TRPM6: variants seen among roughly 807,000 people sequenced by gnomAD.
TRPM6 encodes transient receptor potential cation channel subfamily M member 6, also known as channel kinase 2.
In TRPM6, 111 loss-of-function variants were observed where a neutral mutation model predicts 247.6. The observed-to-expected ratio is 0.45, with a 90% CI of 0.38 to 0.52. The LOEUF (loss-of-function observed/expected upper bound fraction) is 0.52. TRPM6 is among the 20% of genes least tolerant of loss of function. The pLI is 0.00. For synonymous variants in TRPM6, 892 were observed against 853.8 expected (o/e 1.04, Z -0.78); for missense variants, 2,126 against 2,421.5 (o/e 0.88, Z 2.56).
intron 9 of TRPM6, among the ~76,000 whole-genome samples, chr9:74,819,626 T>G (rs1829073889): frequency 6.6e-6 from 1 of 152,228 alleles, no homozygotes; most frequent in Non-Finnish European, 1.5e-5. Flanking sequence ...CCATTTTTTA[T>G]CCCAGAGTTT....
intron 8 of TRPM6, among the ~76,000 whole-genome samples, chr9:74,820,728 C>T (rs1829106802): frequency 6.6e-6 from 1 of 152,122 alleles, no homozygotes; most frequent in Admixed American, 6.6e-5. Flanking sequence ...TAGCAAGACC[C>T]TGCCTCTATT....
intron 1 of TRPM6, among the ~76,000 whole-genome samples, chr9:74,870,125 A>C (rs1174600814): frequency 6.6e-6 from 1 of 152,216 alleles, no homozygotes; most frequent in African/African-American, 2.4e-5. Flanking sequence ...TTCCCAAAGT[A>C]GGTTCTACGG....
chr9:74,766,989 G>A (rs1027199186), intron 25 of TRPM6, among the ~76,000 whole-genome samples: 2 of 152,222 alleles, frequency 1.3e-5, no homozygotes, highest in South Asian at 2.1e-4. Flanking sequence ...TAGACAGGCC[G>A]ACTCCATATT....
rs111249915 is a variant in TRPM6, at chr9:74,742,671, C to T, written c.5135-45G>A. ...TTCTATTTTAAGTATGCATCAGTGG[C>T]TGAATTTACAGAAAGCCTCTCCACA... On this transcript the variant is annotated intron_variant, in intron 32 of 38. Transcript: ENST00000360774. 43 of 1,552,302 alleles carry T rather than the reference C, an allele frequency of 2.8e-5. 1 individual carries two copies. In the African/African-American group the frequency reaches 3.0e-4, roughly 11 times the overall value.
chr9:74,771,581 T>C, intron 25 of TRPM6, 122 bp downstream of exon 25: 3 of 891,306 alleles, frequency 3.4e-6, no homozygotes, highest in Non-Finnish European at 5.3e-6. Context: ...TGTTGTTAAA[T>C]GTTTCAAATT....
rs371405089 is a variant in TRPM6, at chr9:74,729,566, T to C, written c.5829-1221A>G. On this transcript the variant is annotated intron_variant, in intron 37 of 38. Transcript: ENST00000360774. The stretch of plus-strand genomic sequence containing the variant: ...TTAACTTTCCTGGTCACTCAATCGC[T>C]CTTACAGAGTACAGCTCTGGGGGTA... Among the ~76,000 whole-genome samples, 189 of 152,274 alleles carry C rather than the reference T, an allele frequency of 1.2e-3. 1 individual carries two copies. Among genetic ancestry groups the C allele is most frequent in the African/African-American group, 4.3e-3 (178 of 41,536 alleles).
At chr9:74,779,399 T>C (rs1192090344) in intron 23 of TRPM6, among the ~76,000 whole-genome samples, 1 of 152,244 alleles carries the variant, frequency 6.6e-6, no homozygotes, top group Non-Finnish European at 1.5e-5. Context: ...AGAGAGATGA[T>C]GACTATCATA....
intron 6 of TRPM6, 118 bp downstream of exon 6, chr9:74,833,880 T>A: frequency 1.5e-6 from 2 of 1,369,182 alleles, no homozygotes; most frequent in Non-Finnish European, 2.0e-6. Context: ...AAGTCAGGAG[T>A]TGGTAGTGAA....
chr9:74,846,714 C>G (rs569914657), intron 3 of TRPM6, among the ~76,000 whole-genome samples: 1 of 152,008 alleles, frequency 6.6e-6, no homozygotes, highest in Admixed American at 6.6e-5. Flanking sequence ...GCCTGGATAA[C>G]TTGTTTGTAT....
intron 1 of TRPM6, among the ~76,000 whole-genome samples, chr9:74,878,134 C>T (rs1831248797): frequency 6.6e-6 from 1 of 152,188 alleles, no homozygotes; most frequent in Non-Finnish European, 1.5e-5. Flanking sequence ...GACTGACCCA[C>T]CTAGTCCATC....
At chr9:74,757,563 C>CA (rs1176496033) in intron 27 of TRPM6, among the ~76,000 whole-genome samples, 7,819 of 53,542 alleles carry the variant, frequency 0.15, 379 homozygotes, top group East Asian at 0.3. Flanking sequence ...GAGACCCTGT[C>CA]AAAAAAAAAA....
intron 5 of TRPM6, among the ~76,000 whole-genome samples, chr9:74,837,510 G>A (rs1397226350): frequency 5.3e-5 from 8 of 151,782 alleles, no homozygotes; most frequent in Non-Finnish European, 1.0e-4. Flanking sequence ...GCAGTGGCAC[G>A]ATCTCGGCTC....
rs773826827 is a variant in TRPM6, at chr9:74,800,904, G to GTT, written c.2010-424_2010-423dup. On this transcript the variant is annotated intron_variant, in intron 16 of 38. Coordinates refer to ENST00000360774, the MANE Select transcript of TRPM6 (RefSeq NM_017662.5). ...TCCCTGATAAGACCTAATAAAGTGT[G>GTT]TTTTTTTTTTTTTTTTTGACAAAAA... Among the ~76,000 whole-genome samples, 269 of 110,522 alleles carry GTT rather than the reference G, an allele frequency of 2.4e-3. 3 individuals are homozygous for GTT. Among genetic ancestry groups the GTT allele is most frequent in the African/African-American group, 7.3e-3 (248 of 34,136 alleles). The allele number at this position is 110,522 out of a possible 152,430, so 72.5% of individuals were successfully genotyped here.
chr9:74,741,890 CA>C (rs5898377), intron 33 of TRPM6, among the ~76,000 whole-genome samples: 87,086 of 148,678 alleles, frequency 0.59, 27,147 homozygotes, highest in African/African-American at 0.82. Flanking sequence ...AACTCCATCT[CA>C]AAAAAAAAAT....
At chr9:74,770,855 CA>C (rs552028324) in intron 25 of TRPM6, among the ~76,000 whole-genome samples, 1 of 152,098 alleles carries the variant, frequency 6.6e-6, no homozygotes, top group East Asian at 1.9e-4. Flanking sequence ...CAAAATCCAA[CA>C]AAAAAACCTT....
intron 1 of TRPM6, among the ~76,000 whole-genome samples, chr9:74,868,222 T>G (rs1410532260): frequency 6.9e-6 from 1 of 145,974 alleles, no homozygotes; most frequent in Non-Finnish European, 1.5e-5. Context: ...CCGCCGGGTG[T>G]GGTGGCTCAC....
intron 1 of TRPM6, among the ~76,000 whole-genome samples, chr9:74,870,690 G>A (rs538293147): frequency 6.6e-6 from 1 of 152,266 alleles, no homozygotes; most frequent in East Asian, 1.9e-4. Flanking sequence ...TTGGGAGGCC[G>A]AGGTGGGTGG....
At chr9:74,829,293 A>T (rs1829465182) in intron 6 of TRPM6, among the ~76,000 whole-genome samples, 1 of 152,174 alleles carries the variant, frequency 6.6e-6, no homozygotes, top group African/African-American at 2.4e-5. Context: ...CCCCATCTCA[A>T]AAATAAATAA....
At chr9:74,763,906 G>C (rs1441439378) in intron 25 of TRPM6, among the ~76,000 whole-genome samples, 1 of 152,164 alleles carries the variant, frequency 6.6e-6, no homozygotes, top group African/African-American at 2.4e-5. Context: ...TGTAATCCCA[G>C]CACTGTGGGA....
Sources: allele counts gnomAD v4.1 joint callset (sites outside exome capture counted in the v4.1 genomes callset), GRCh38; gene constraint gnomAD v4.1.1; transcripts MANE v1.5; gene names NCBI Gene and HGNC (gene_info 2026-07-23, HGNC 2026-07-21).